PRKCQ: variants seen among roughly 807,000 people sequenced by gnomAD.
PRKCQ encodes protein kinase C theta, also known as protein kinase C theta type.
A neutral mutation model predicts 91.2 loss-of-function variants in PRKCQ; 41 were observed. The ratio of observed to expected loss-of-function variants is 0.45; its 90% CI spans 0.35 to 0.58. The LOEUF (loss-of-function observed/expected upper bound fraction) is 0.58. Ranked by LOEUF, PRKCQ falls within the 20% of genes least tolerant of loss-of-function variation. The pLI is 0.00. For synonymous variants in PRKCQ, 307 were observed against 316.9 expected, an observed-to-expected ratio of 0.97 and a Z score of 0.33; for missense variants, 673 against 896.5, an observed-to-expected ratio of 0.75 and a Z score of 3.18.
At chr10:6,560,988 G>C (rs780319447) in intron 1 of PRKCQ, among the ~76,000 whole-genome samples, 2 of 150,126 alleles carry the variant, frequency 1.3e-5, no homozygotes, top group African/African-American at 4.9e-5. Context: ...GCAGTGAGCC[G>C]AGATTGCACC....
chr10:6,498,437 G>A lies in PRKCQ; in HGVS notation c.501C>T (p.Phe167=). The A allele has an allele frequency of 6.2e-7, 1 of 1,614,202 alleles. No individual in the cohort carries two copies. The highest frequency in any genetic ancestry group is 1.7e-5 in the Admixed American group (1 of 60,024). The part of the protein sequence containing the change: ...VKCHEFTATF[F]PQPTFCSVCH... The stretch of plus-strand genomic sequence containing the variant: ...AGACAGAGCAAAATGTGGGCTGTGG[G>A]AAGAAGGTGGCAGTGAACTCGTGGC... Residue 167 remains phenylalanine (F), a synonymous_variant, in exon 5 of 18, where the codon TTC becomes TTT. Coordinates refer to ENST00000263125, the MANE Select transcript of PRKCQ (RefSeq NM_006257.5).
intron 16 of PRKCQ, among the ~76,000 whole-genome samples, chr10:6,439,496 C>A (rs1361150030): frequency 6.6e-6 from 1 of 152,052 alleles, no homozygotes; most frequent in Non-Finnish European, 1.5e-5. Flanking sequence ...CAAATTTACA[C>A]CAAGTGTGCC....
chr10:6,464,945 C>T (rs1322509564), intron 12 of PRKCQ, among the ~76,000 whole-genome samples: 1 of 152,110 alleles, frequency 6.6e-6, no homozygotes, highest in East Asian at 1.9e-4. Flanking sequence ...CATCTAGATG[C>T]TTGCGTGTTA....
chr10:6,459,627 G>A (rs768719451), intron 14 of PRKCQ, among the ~76,000 whole-genome samples: 1 of 152,240 alleles, frequency 6.6e-6, no homozygotes, highest in South Asian at 2.1e-4. Context: ...CTTGATTATC[G>A]AGGTGGGCCC....
At chr10:6,480,829 A>G (rs888811558) in intron 11 of PRKCQ, among the ~76,000 whole-genome samples, 1 of 152,242 alleles carries the variant, frequency 6.6e-6, no homozygotes, top group African/African-American at 2.4e-5. Flanking sequence ...GCAGGTTCGT[A>G]GCTTGATGGT....
chr10:6,548,969 T>G (rs771890932), intron 1 of PRKCQ, among the ~76,000 whole-genome samples: 4 of 152,202 alleles, frequency 2.6e-5, no homozygotes, highest in Non-Finnish European at 5.9e-5. Context: ...GATCCATCCA[T>G]GATCCATTTA....
At chr10:6,431,081 A>C in intron 16 of PRKCQ, 143 bp from the exon 17 acceptor site, 1 of 1,091,408 alleles carries the variant, frequency 9.2e-7, no homozygotes, top group South Asian at 1.7e-5. Flanking sequence ...ACTAAAGTCA[A>C]CCTGTCCTGG....
At chr10:6,409,406 TGCCTCA>T in the PRKCQ span, among the ~76,000 whole-genome samples, 2 of 152,234 alleles carry the variant, frequency 1.3e-5, no homozygotes, top group South Asian at 4.1e-4. Flanking sequence ...GCGACTCTTC[TGCCTCA>T]GCCTCCTGAG....
At position 6,489,116 on chromosome 10, in the gene PRKCQ, A is replaced by G. The variant is rs151073404; in HGVS notation, c.790+2567T>C. ...ACTATAGAAAGGATTTTTTTTTTTC[A>G]TGATTGTGCTCCAAATTCCACATTG... On this transcript the variant is annotated intron_variant, in intron 8 of 17. Coordinates refer to ENST00000263125, the MANE Select transcript of PRKCQ (RefSeq NM_006257.5). Among the ~76,000 whole-genome samples, 1,242 of 150,946 alleles carry G rather than the reference A, an allele frequency of 8.2e-3. 17 individuals are homozygous for G. The highest frequency in any genetic ancestry group is 0.029 in the African/African-American group (1,181 of 41,100).
chr10:6,510,043 A>G (rs575551018), intron 3 of PRKCQ, among the ~76,000 whole-genome samples: 14 of 152,302 alleles, frequency 9.2e-5, no homozygotes, highest in African/African-American at 3.1e-4. Context: ...TTAAAATCTG[A>G]GTTTAAAATC....
chr10:6,522,878 A>T (rs1002676088), intron 1 of PRKCQ, among the ~76,000 whole-genome samples: 1 of 152,256 alleles, frequency 6.6e-6, no homozygotes, highest in East Asian at 1.9e-4. Context: ...TTTGGTAAAC[A>T]TCAATTCAGA....
chr10:6,399,507 T>G, the PRKCQ span, among the ~76,000 whole-genome samples: 4 of 151,994 alleles, frequency 2.6e-5, no homozygotes, highest in African/African-American at 7.3e-5. Context: ...TTTTTATTTT[T>G]TTTTGGCACA....
intron 15 of PRKCQ, among the ~76,000 whole-genome samples, chr10:6,446,022 T>A (rs1271739330): frequency 6.6e-6 from 1 of 152,146 alleles, no homozygotes; most frequent in African/African-American, 2.4e-5. Flanking sequence ...TGGTAAAAAA[T>A]TTCAGTTTTA....
intron 15 of PRKCQ, among the ~76,000 whole-genome samples, chr10:6,444,725 C>T (rs570973479): frequency 1.5e-3 from 224 of 151,940 alleles, no homozygotes; most frequent in African/African-American, 2.5e-3. Context: ...CACACACACA[C>T]GCACGCAGAA....
At position 6,497,235 on chromosome 10, in the gene PRKCQ, C is replaced by T; in HGVS notation, c.559G>A (p.Gly187Ser). ...TCTTACTTACGTCGGCACTGGTAGC[C>T]CTGTTTGTTCAGGCCCCTGTAATAA... ...HEFVWGLNKQGYQCRQCNAAI... is the reference protein window; with the variant it reads ...HEFVWGLNKQSYQCRQCNAAI... The change falls in exon 6 of 18, where the codon GGC becomes AGC. Residue 187 changes from glycine (G) to serine (S), a missense_variant. Coordinates refer to ENST00000263125, the MANE Select transcript of PRKCQ (RefSeq NM_006257.5). The surrounding 1 kb of genome is among the most constrained non-coding windows in gnomAD (Gnocchi z 4.5). 1 of 1,614,046 alleles carries T rather than the reference C, an allele frequency of 6.2e-7. No homozygotes were observed. The highest frequency in any genetic ancestry group is 1.6e-4 in the Middle Eastern group (1 of 6,062).
intron 4 of PRKCQ, 123 bp downstream of exon 4, chr10:6,507,313 A>G: frequency 3.1e-6 from 3 of 975,080 alleles, no homozygotes; most frequent in Non-Finnish European, 4.8e-6. Flanking sequence ...ATTTTAAAAC[A>G]ATTTTGTGCC....
In PRKCQ at chr10:6,428,147, T is replaced by C; in HGVS notation, c.*60A>G. 1.3e-6 allele frequency: 2 copies of C among 1,596,994 alleles called. No homozygotes were observed. Among genetic ancestry groups the C allele is most frequent in the East Asian group, 4.5e-5 (2 of 44,768 alleles). ...AGTTGAAAAAGGAACCCAAGCAGTG[T>C]CTCTTGAACCAGTTCCCAGGGAGAA... On this transcript the variant is annotated 3_prime_UTR_variant, in exon 18 of 18. Transcript: ENST00000263125.
At chr10:6,512,227 C>T (rs958169139) in intron 2 of PRKCQ, 2 of 152,182 alleles carry the variant, frequency 1.3e-5, no homozygotes, top group African/African-American at 4.8e-5. Context: ...ATTTCCTTCT[C>T]TAATTCTTGG....
the PRKCQ span, among the ~76,000 whole-genome samples, chr10:6,402,165 A>T: frequency 6.6e-6 from 1 of 151,942 alleles, no homozygotes; most frequent in Non-Finnish European, 1.5e-5. Flanking sequence ...GCATGGACGC[A>T]GGGAGGGGAA....
Sources: allele counts gnomAD v4.1 joint callset (sites outside exome capture counted in the v4.1 genomes callset), GRCh38; gene constraint gnomAD v4.1.1; non-coding constraint Gnocchi (gnomAD v3.1); transcripts MANE v1.5; gene names NCBI Gene and HGNC (gene_info 2026-07-23, HGNC 2026-07-21).